The following TSPAN6 variants were observed in gnomAD, a reference collection of about 807,000 sequenced individuals.
TSPAN6 encodes tetraspanin-6.
A neutral mutation model predicts 18.0 loss-of-function variants in TSPAN6; 13 were observed. That is an observed-to-expected ratio of 0.72 (90% CI 0.47 to 1.15). TSPAN6 has a LOEUF of 1.15. TSPAN6 is among the 50% of genes most tolerant of loss of function. TSPAN6 has a pLI of 0.00. For missense variants in TSPAN6, 186 were observed against 183.9 expected, an observed-to-expected ratio of 1.01 and a Z score of -0.07; for synonymous variants, 82 against 67.0, an observed-to-expected ratio of 1.22 and a Z score of -1.09.
chrX:100,636,674 T>C lies in TSPAN6; in HGVS notation c.21A>G (p.Arg7=), dbSNP rs781355844. 1.5e-5 allele frequency: 18 copies of C among 1,202,362 alleles called. No homozygotes were observed. The highest frequency in any genetic ancestry group is 2.2e-5 in the Admixed American group (1 of 45,193). MASPSR[R]LQTKPVITCF... ...AAGTAATGACTGGTTTAGTCTGCAG[T>C]CTCCGAGACGGGGACGCCATGACTA... is the stretch of plus-strand genomic sequence containing the variant. The change falls in exon 1 of 8, where the codon AGA becomes AGG. Residue 7 remains arginine (R), a synonymous_variant. Coordinates refer to ENST00000373020, the MANE Select transcript of TSPAN6 (RefSeq NM_003270.4).
Position 100,628,087 on chromosome X carries a change from C to T in TSPAN6, c.*1939G>A, listed in dbSNP as rs2083036296. 8.9e-6 allele frequency: 1 copy of T among 111,762 alleles called. No individual in the cohort carries two copies. The highest frequency in any genetic ancestry group is 3.7e-4 in the South Asian group (1 of 2,667). The allele number at this position is 111,762 out of a possible 1,213,427, so 9.2% of individuals were successfully genotyped here. On this transcript the variant is annotated 3_prime_UTR_variant, in exon 8 of 8. Coordinates refer to ENST00000373020, the MANE Select transcript of TSPAN6 (RefSeq NM_003270.4). Reference sequence around the variant, plus strand: ...TCAGCCTCTCAAAGTGCTGGGATTACAGATGTGAGCCACCATGGCTGGCTG... The same window carrying T: ...TCAGCCTCTCAAAGTGCTGGGATTATAGATGTGAGCCACCATGGCTGGCTG...
In TSPAN6 at chrX:100,632,532, C is replaced by G; in HGVS notation, c.622G>C (p.Glu208Gln). 1 of 1,209,816 alleles carries G rather than the reference C, an allele frequency of 8.3e-7. No homozygotes were observed. Among genetic ancestry groups the G allele is most frequent in the Non-Finnish European group, 1.1e-6 (1 of 894,000 alleles). ...GAAATTCCTGCAACGACTCCCATTT[C>G]TGACTCTATAATGGTCATCACCTTT... ...FIKVMTIIESEMGVVAGISFG... is the reference protein window; with the variant it reads ...FIKVMTIIESQMGVVAGISFG... The change falls in exon 6 of 8, where the codon GAA becomes CAA. Residue 208 changes from glutamate (E) to glutamine (Q), a missense_variant. Physicochemically the swap from Glu to Gln is conservative, Grantham distance 29 (BLOSUM62 2). Coordinates refer to ENST00000373020, the MANE Select transcript of TSPAN6 (RefSeq NM_003270.4).
chrX:100,632,323 C>T (rs2083065130), intron 6 of TSPAN6, among the ~76,000 whole-genome samples, 162 bp downstream of exon 6: 1 of 110,544 alleles, frequency 9.0e-6, no homozygotes, highest in African/African-American at 3.3e-5. Flanking sequence ...GGGAGAATCG[C>T]TTGAACCCAG....
At chrX:100,633,313 T>C (rs2083072782) in intron 5 of TSPAN6, 92 bp downstream of exon 5, 1 of 955,523 alleles carries the variant, frequency 1.0e-6, no homozygotes, top group Non-Finnish European at 1.5e-6. Flanking sequence ...AGCAAGACTC[T>C]ATCTCAAAAA....
intron 3 of TSPAN6, among the ~76,000 whole-genome samples, chrX:100,634,486 T>G (rs780245604): frequency 9.0e-6 from 1 of 110,894 alleles, no homozygotes; most frequent in Non-Finnish European, 1.9e-5. Flanking sequence ...TGTTTTCTAA[T>G]TCAGTATTAA....
intron 3 of TSPAN6, among the ~76,000 whole-genome samples, chrX:100,634,545 G>A (rs2083081443): frequency 9.1e-6 from 1 of 110,044 alleles, no homozygotes; most frequent in Non-Finnish European, 1.9e-5. Context: ...AGGCTGCAGT[G>A]CAGTGGCGCG....
At chrX:100,630,564 T>C (rs1347399493) in intron 7 of TSPAN6, among the ~76,000 whole-genome samples, 195 bp downstream of exon 7, 1 of 112,286 alleles carries the variant, frequency 8.9e-6, no homozygotes, top group African/African-American at 3.2e-5. Flanking sequence ...ATAGATAAGC[T>C]GTAGCTAAGT....
intron 3 of TSPAN6, 136 bp downstream of exon 3, chrX:100,635,042 C>A: frequency 2.2e-6 from 1 of 449,319 alleles, no homozygotes; most frequent in Non-Finnish European, 3.7e-6. Context: ...AGAAGTGGAC[C>A]AGAATTTTTA....
chrX:100,635,474 A>C, intron 2 of TSPAN6, 84 bp downstream of exon 2: 2 of 891,631 alleles, frequency 2.2e-6, no homozygotes, highest in African/African-American at 2.0e-5. Flanking sequence ...GTAAAGGGCC[A>C]TGGCCAGTTC....
intron 1 of TSPAN6, chrX:100,636,392 G>A: frequency 2.0e-6 from 2 of 978,464 alleles, no homozygotes; most frequent in Non-Finnish European, 1.3e-6. Flanking sequence ...TCAGCCTCTC[G>A]GCTGCCTTCG....
chrX:100,633,802 C>A, intron 4 of TSPAN6, 129 bp downstream of exon 4: 1 of 519,148 alleles, frequency 1.9e-6, no homozygotes, highest in Non-Finnish European at 3.1e-6. Flanking sequence ...AACAGGTGCA[C>A]ATGTGAGGAA....
rs1267207633 is a variant in TSPAN6, at chrX:100,633,507, A to G, written c.483T>C (p.Asp161=). The change falls in exon 5 of 8, where the codon GAT becomes GAC. Residue 161 remains aspartate (D), a synonymous_variant. Transcript: ENST00000373020. ...CTGAGTAATAATTAGTATCTGTCCAATCTCTATAATCGGTGACACCACAAC... is the reference window on the plus strand; with the variant it reads ...CTGAGTAATAATTAGTATCTGTCCAGTCTCTATAATCGGTGACACCACAAC... ...LHCCGVTDYR[D]WTDTNYYSEK... is the part of the protein sequence containing the mutation. 8.3e-7 allele frequency: 1 copy of G among 1,204,242 alleles called. No homozygotes were observed. The highest frequency in any genetic ancestry group is 1.1e-6 in the Non-Finnish European group (1 of 892,543).
Position 100,630,781 on chromosome X carries a change from C to A in TSPAN6, c.*17G>T. 1 of 1,206,028 alleles carries A rather than the reference C, an allele frequency of 8.3e-7. No individual in the cohort carries two copies. The highest frequency in any genetic ancestry group is 1.1e-6 in the Non-Finnish European group (1 of 891,476). On this transcript the variant is annotated 3_prime_UTR_variant, in exon 7 of 8. Transcript: ENST00000373020. ...CACCTTAAAGGTAGAGAGGAATAGG[C>A]CCACAGATACATTGGGTTACACTAT...
At chrX:100,632,209 A>C (rs980338898) in intron 6 of TSPAN6, 1 of 279,283 alleles carries the variant, frequency 3.6e-6, no homozygotes, top group Non-Finnish European at 6.3e-6. Flanking sequence ...GTTCAAGATC[A>C]GCCTGGCCAA....
rs1171250833 is a variant in TSPAN6, at chrX:100,628,536, A to G, written c.*1490T>C. ...AAAGAGACTCAAAACCAAAGAAATA[A>G]TTCCCTGACTTCAACTCAAATTTTA... On this transcript the variant is annotated 3_prime_UTR_variant, in exon 8 of 8. Coordinates refer to ENST00000373020, the MANE Select transcript of TSPAN6 (RefSeq NM_003270.4). 1 of 111,833 alleles carries G rather than the reference A, an allele frequency of 8.9e-6. No homozygotes were observed. The highest frequency in any genetic ancestry group is 2.8e-4 in the East Asian group (1 of 3,587). 9.2% of individuals were successfully genotyped at this position (111,833 alleles called of 1,213,427 possible).
rs2083073882 is a variant in TSPAN6, at chrX:100,633,469, G to A, written c.521C>T (p.Pro174Leu). Residue 174 changes from proline to leucine, a missense_variant, in exon 5 of 8, where the codon CCT becomes CTT. Pro to Leu is a moderately conservative substitution (Grantham distance 98). Transcript: ENST00000373020. ...DTNYYSEKGF[P>L]KSCCKLEDCT... is the part of the protein sequence containing the mutation. The stretch of plus-strand genomic sequence containing the variant: ...ATCTTCAAGTTTACAGCAACTCTTA[G>A]GAAATCCTTTTTCTGAGTAATAATT... 5 of 1,205,325 alleles carry A rather than the reference G, an allele frequency of 4.1e-6. No homozygotes were observed. In the Admixed American group the frequency reaches 1.1e-4, roughly 26 times the overall value.
chrX:100,635,753 G>C lies in TSPAN6; in HGVS notation c.88-7C>G, dbSNP rs1426729464. The C allele has an allele frequency of 8.7e-7, 1 of 1,154,728 alleles. No individual in the cohort carries two copies. ...GAAGGATAACGCCAGTGATCTATGT[G>C]GGAATTCAGAGAATACAAACAGTTA... On this transcript the variant is annotated splice_polypyrimidine_tract_variant and splice_region_variant and intron_variant, in intron 1 of 7. Coordinates refer to ENST00000373020, the MANE Select transcript of TSPAN6 (RefSeq NM_003270.4).
At chrX:100,634,228 TATG>T (rs1190468218) in intron 3 of TSPAN6, among the ~76,000 whole-genome samples, 199 bp from the exon 4 acceptor site, 1 of 111,179 alleles carries the variant, frequency 9.0e-6, no homozygotes, top group Non-Finnish European at 1.9e-5. Context: ...CATTAAAATA[TATG>T]ATGAGAACCA....
At position 100,635,475 on chromosome X, in the gene TSPAN6, T is replaced by C. The variant is rs1408420181; in HGVS notation, c.276+83A>G. The C allele has an allele frequency of 3.3e-6, 3 of 913,643 alleles. No individual in the cohort carries two copies. In the African/African-American group the frequency reaches 6.0e-5, roughly 18 times the overall value. The allele number at this position is 913,643 out of a possible 1,213,427, so 75.3% of individuals were successfully genotyped here. ...GAACAGGAAAAATTGTAAAGGGCCA[T>C]GGCCAGTTCCAACAAAGGAATTCTA... On this transcript the variant is annotated intron_variant, in intron 2 of 7. Transcript: ENST00000373020.
Sources: allele counts gnomAD v4.1 joint callset (sites outside exome capture counted in the v4.1 genomes callset), GRCh38; gene constraint gnomAD v4.1.1; transcripts MANE v1.5; gene names NCBI Gene and HGNC (gene_info 2026-07-23, HGNC 2026-07-21).